Variants in NPHS1 observed in about 807,000 individuals in gnomAD.
The protein encoded by NPHS1 is nephrin.
Under a neutral mutation model 139.7 loss-of-function variants are expected in NPHS1, and 107 were observed. That is an observed-to-expected ratio of 0.77 (90% CI 0.66 to 0.90). NPHS1 has a LOEUF of 0.90. Ranked by LOEUF, NPHS1 falls within the 40% of genes least tolerant of loss-of-function variation. The pLI, the probability that NPHS1 is intolerant of heterozygous loss-of-function variation, is 0.00. For synonymous variants in NPHS1, 707 were observed against 706.6 expected, an observed-to-expected ratio of 1.00 and a Z score of -0.01; for missense variants, 1,580 against 1,654.2, an observed-to-expected ratio of 0.96 and a Z score of 0.78.
At position 35,826,495 on chromosome 19, in the gene NPHS1, A is replaced by G; in HGVS notation, c.*19T>C. ...GTGTAAATTCCTGCAGGTGCAGGAC[A>G]ATGGGGTTGAGAGGGCTCTTACACC... is the stretch of plus-strand genomic sequence containing the variant. On this transcript the variant is annotated 3_prime_UTR_variant, in exon 29 of 29. Coordinates refer to ENST00000378910, the MANE Select transcript of NPHS1 (RefSeq NM_004646.4). 1.9e-6 allele frequency: 3 copies of G among 1,613,092 alleles called. No individual in the cohort carries two copies. In the South Asian group the frequency reaches 3.3e-5, roughly 18 times the overall value.
rs200813102 is a variant in NPHS1, at chr19:35,826,615, T to A, written c.3625A>T (p.Thr1209Ser). 1 of 1,614,060 alleles carries A rather than the reference T, an allele frequency of 6.2e-7. No individual in the cohort carries two copies. Among genetic ancestry groups the A allele is most frequent in the Non-Finnish European group, 8.5e-7 (1 of 1,179,990 alleles). Residue 1209 changes from threonine to serine, a missense_variant, in exon 29 of 29, where the codon ACA becomes TCA. By Grantham distance (58) the Thr-to-Ser change is moderately conservative (BLOSUM62 1). Transcript: ENST00000378910. ...TAGATTCCTCTTGGATCCTGATATG[T>A]GTCTTCAGGCCAGTGGAGGTCCCAG... ...GPWDLHWPED[T>S]YQDPRGIYDQ...
intron 20 of NPHS1, among the ~76,000 whole-genome samples, chr19:35,840,543 C>A (rs1482661133): frequency 6.6e-6 from 1 of 150,864 alleles, no homozygotes; most frequent in Non-Finnish European, 1.5e-5. Flanking sequence ...ACTATGTTAG[C>A]CAGGATGGTC....
intron 22 of NPHS1, among the ~76,000 whole-genome samples, chr19:35,838,192 C>T (rs968156867): frequency 4.0e-5 from 6 of 151,238 alleles, no homozygotes; most frequent in African/African-American, 7.3e-5. Flanking sequence ...TGCAGTGAGC[C>T]GAGACGGCAC....
rs114385015 is a variant in NPHS1, at chr19:35,851,580, G to A, written c.151C>T (p.Leu51=). 5.0e-4 allele frequency: 815 copies of A among 1,614,008 alleles called. 13 individuals are homozygous for A. In the East Asian group the frequency reaches 6.7e-3, roughly 13 times the overall value. ...LTVVEGASVE[L]RCGVSTPGSA... is the part of the protein sequence containing the mutation. Reference sequence around the variant, plus strand: ...CCAGGGGTGCTGACCCCACAACGCAGCTCCACTGAGGCCCCCTCCACCACC... The same window carrying A: ...CCAGGGGTGCTGACCCCACAACGCAACTCCACTGAGGCCCCCTCCACCACC... The change falls in exon 2 of 29, where the codon CTG becomes TTG. Residue 51 remains leucine, a synonymous_variant. Transcript: ENST00000378910.
At chr19:35,850,871 G>A (rs1973234337) in intron 4 of NPHS1, 90 bp downstream of exon 4, 33 of 1,504,082 alleles carry the variant, frequency 2.2e-5, no homozygotes, top group Non-Finnish European at 2.6e-5. Context: ...CTTTTCTGGG[G>A]CCCTTAGAAG....
chr19:35,851,567 A>AT lies in NPHS1; in HGVS notation c.163_164insA (p.Val55AspfsTer37). 1 of 1,613,798 alleles carries AT rather than the reference A, an allele frequency of 6.2e-7. No homozygotes were observed. The highest frequency in any genetic ancestry group is 1.1e-5 in the South Asian group (1 of 91,062). The stretch of plus-strand genomic sequence containing the variant: ...TTGCACCGCACTGCCAGGGGTGCTG[A>AT]CCCCACAACGCAGCTCCACTGAGGC... On this transcript the variant is annotated frameshift_variant, in exon 2 of 29. Transcript: ENST00000378910. LOFTEE classifies it high-confidence loss of function.
intron 23 of NPHS1, among the ~76,000 whole-genome samples, chr19:35,835,458 C>T (rs1972944704): frequency 6.6e-6 from 1 of 151,744 alleles, no homozygotes; most frequent in East Asian, 1.9e-4. Context: ...TGCCACTACA[C>T]CCAGCTATTT....
At chr19:35,830,655 T>A (rs1972864040) in intron 28 of NPHS1, among the ~76,000 whole-genome samples, 189 bp downstream of exon 28, 1 of 152,260 alleles carries the variant, frequency 6.6e-6, no homozygotes, top group Non-Finnish European at 1.5e-5. Flanking sequence ...GCGATCCTCC[T>A]GCCTTGGCCT....
At chr19:35,841,469 G>T (rs1973054674) in intron 20 of NPHS1, among the ~76,000 whole-genome samples, 1 of 152,156 alleles carries the variant, frequency 6.6e-6, no homozygotes, top group Non-Finnish European at 1.5e-5. Flanking sequence ...CTATTTTTCA[G>T]TTACTTGAGC....
chr19:35,845,784 C>A lies in NPHS1; in HGVS notation c.1642G>T (p.Val548Leu). 6.2e-7 allele frequency: 1 copy of A among 1,613,086 alleles called. No individual in the cohort carries two copies. Among genetic ancestry groups the A allele is most frequent in the Non-Finnish European group, 8.5e-7 (1 of 1,179,166 alleles). Residue 548 changes from valine to leucine, a missense_variant, in exon 13 of 29, where the codon GTG becomes TTG. Val to Leu is a conservative substitution (Grantham distance 32). Transcript: ENST00000378910. This position sits in a 1 kb window ranked among gnomAD's most constrained non-coding sequence, Gnocchi z 5.5. ...QLAVQFPPTN[V>L]TILANASALR... is the part of the protein sequence containing the mutation. ...GCGGATGCGTTGGCCAGGATCGTCA[C>A]GTTAGTTGGGGGAACTGGGAGACGG...
rs1361248708 is a variant in NPHS1 at position 35,845,368 on chromosome 19, A to G, written c.1930T>C (p.Tyr644His). The G allele has an allele frequency of 6.2e-7, 1 of 1,614,116 alleles. No individual in the cohort carries two copies. Among genetic ancestry groups the G allele is most frequent in the African/African-American group, 1.3e-5 (1 of 74,960 alleles). ...GGGGCTTTCAGGCCGGGGCACATAC[A>G]CAGTACGTTGAGGCGATAGAAGGAG... ...VSSFYRLNVL[Y>H]RPEFLGEQVL... Residue 644 changes from tyrosine (Y) to histidine (H), a missense_variant and splice_region_variant, in exon 14 of 29, where the codon TAC becomes CAC. By Grantham distance (83) the Tyr-to-His change is moderately conservative. Coordinates refer to ENST00000378910, the MANE Select transcript of NPHS1 (RefSeq NM_004646.4). This position sits in a 1 kb window ranked among gnomAD's most constrained non-coding sequence, Gnocchi z 5.5.
Position 35,852,062 on chromosome 19 carries a change from TA to T in NPHS1, c.-226del, listed in dbSNP as rs1973281075. Among the ~76,000 whole-genome samples, 1 of 151,706 alleles carries T rather than the reference TA, an allele frequency of 6.6e-6. No homozygotes were observed. The highest frequency in any genetic ancestry group is 1.5e-5 in the Non-Finnish European group (1 of 67,920). The stretch of plus-strand genomic sequence containing the variant: ...CTCTGAGTCTCTTTCTCTGTCTCTT[TA>T]AAAAAACTTTTTTTTCTTTTTTCTT... On this transcript the variant is annotated 5_prime_UTR_variant, in exon 1 of 29. Transcript: ENST00000378910.
At chr19:35,846,605 T>C (rs1165623610) in intron 11 of NPHS1, among the ~76,000 whole-genome samples, 1 of 152,226 alleles carries the variant, frequency 6.6e-6, no homozygotes, top group African/African-American at 2.4e-5. Flanking sequence ...TTCCTTTTCT[T>C]AAAATTCCTG....
intron 22 of NPHS1, among the ~76,000 whole-genome samples, chr19:35,838,765 T>G (rs1973012848): frequency 6.6e-6 from 1 of 151,754 alleles, no homozygotes; most frequent in Non-Finnish European, 1.5e-5. Context: ...GAGAATTGCT[T>G]GAACCCAGGA....
chr19:35,851,443 C>T lies in NPHS1; in HGVS notation c.274+14G>A, dbSNP rs974351654. 2.5e-6 allele frequency: 4 copies of T among 1,613,144 alleles called. No individual in the cohort carries two copies. Among genetic ancestry groups the T allele is most frequent in the Non-Finnish European group, 3.4e-6 (4 of 1,179,780 alleles). The stretch of plus-strand genomic sequence containing the variant: ...TCCGCTGGTGGCTGAGGGTCTCAGG[C>T]TCTGATCCCTTACCTCTAGCAGGGT... On this transcript the variant is annotated intron_variant, in intron 2 of 28. Transcript: ENST00000378910.
rs776837960 is a variant in NPHS1, at chr19:35,839,223, G to A, written c.3109+14C>T. 1.2e-6 allele frequency: 2 copies of A among 1,613,676 alleles called. No homozygotes were observed. Among genetic ancestry groups the A allele is most frequent in the South Asian group, 2.2e-5 (2 of 91,056 alleles). ...CTGAGGAATACTCCAACCTGCCCAAGCCTCCCTTCCCACCTGGGGTAGTGA... is the reference window on the plus strand; with the variant it reads ...CTGAGGAATACTCCAACCTGCCCAAACCTCCCTTCCCACCTGGGGTAGTGA... On this transcript the variant is annotated intron_variant, in intron 22 of 28. Coordinates refer to ENST00000378910, the MANE Select transcript of NPHS1 (RefSeq NM_004646.4).
rs1037252761 is a variant in NPHS1, at chr19:35,831,625, G to A, written c.3286+18C>T. On this transcript the variant is annotated intron_variant, in intron 24 of 28. Coordinates refer to ENST00000378910, the MANE Select transcript of NPHS1 (RefSeq NM_004646.4). Reference sequence around the variant, plus strand: ...CACCCTCGGGTCTCCACCCTGGCAGGGAAGGGTCTCTCCTCACCCTCAGCA... The same window carrying A: ...CACCCTCGGGTCTCCACCCTGGCAGAGAAGGGTCTCTCCTCACCCTCAGCA... 6.2e-7 allele frequency: 1 copy of A among 1,613,136 alleles called. No individual in the cohort carries two copies. Among genetic ancestry groups the A allele is most frequent in the African/African-American group, 1.3e-5 (1 of 74,818 alleles).
intron 23 of NPHS1, among the ~76,000 whole-genome samples, chr19:35,835,339 G>A (rs1470625106): frequency 9.6e-6 from 1 of 103,898 alleles, no homozygotes; most frequent in Non-Finnish European, 1.8e-5. Flanking sequence ...TCCCTCTGTT[G>A]CCAAGGCTGG....
At position 35,846,297 on chromosome 19, in the gene NPHS1, A is replaced by G. The variant is rs539430727; in HGVS notation, c.1441-103T>C. 1.7e-5 allele frequency: 21 copies of G among 1,256,996 alleles called. No individual in the cohort carries two copies. The African/African-American group carries it at 2.7e-4, about 16-fold the overall frequency. The allele number at this position is 1,256,996 out of a possible 1,614,324, so 77.9% of individuals were successfully genotyped here. A position where few individuals can be genotyped will look rare whatever the true frequency, so the allele number is the denominator to read the frequency against. Reference sequence around the variant, plus strand: ...TGGGTTGGTGCCGCCAGCCCAAACAAAGCCTTTTTCTGATAAGGAGAAGCA... The same window carrying G: ...TGGGTTGGTGCCGCCAGCCCAAACAGAGCCTTTTTCTGATAAGGAGAAGCA... On this transcript the variant is annotated intron_variant, in intron 11 of 28. Coordinates refer to ENST00000378910, the MANE Select transcript of NPHS1 (RefSeq NM_004646.4).
Sources: allele counts gnomAD v4.1 joint callset (sites outside exome capture counted in the v4.1 genomes callset), GRCh38; gene constraint gnomAD v4.1.1; non-coding constraint Gnocchi (gnomAD v3.1); transcripts MANE v1.5; gene names NCBI Gene and HGNC (gene_info 2026-07-23, HGNC 2026-07-21).